Variants in INSL6 observed in about 807,000 individuals in gnomAD.
INSL6 encodes the protein insulin-like peptide INSL6.
In INSL6, 16 loss-of-function variants were observed where a neutral mutation model predicts 9.4. The observed-to-expected ratio is 1.70, with a 90% CI of 1.15 to 2.59. The LOEUF is 2.59. Among genes scored for constraint, INSL6 ranks in the 30% most tolerant of loss-of-function variants. The pLI, the probability that INSL6 is intolerant of heterozygous loss-of-function variation, is 0.00. For missense variants in INSL6, 391 were observed against 257.3 expected, an observed-to-expected ratio of 1.52 and a Z score of -3.56; for synonymous variants, 154 against 96.9, an observed-to-expected ratio of 1.59 and a Z score of -3.46.
chr9:5,026,005 G>T, the INSL6 span, among the ~76,000 whole-genome samples: 2 of 152,030 alleles, frequency 1.3e-5, no homozygotes, highest in Non-Finnish European at 2.9e-5. Flanking sequence ...GTGTTTATCT[G>T]TGCCTCTTTT....
chr9:5,168,072 G>T (rs1825094593), intron 1 of INSL6, among the ~76,000 whole-genome samples: 1 of 152,126 alleles, frequency 6.6e-6, no homozygotes, highest in African/African-American at 2.4e-5. Context: ...CCCATCCAAA[G>T]GTCATTGGCC....
chr9:5,033,774 C>T, the INSL6 span, among the ~76,000 whole-genome samples: 4 of 152,162 alleles, frequency 2.6e-5, no homozygotes, highest in African/African-American at 9.7e-5. Flanking sequence ...TGGTACCAGC[C>T]ACTGCAAAAA....
the INSL6 span, chr9:5,099,871 A>G: frequency 1.3e-5 from 2 of 152,188 alleles, no homozygotes; most frequent in African/African-American, 4.8e-5. Context: ...GGGTATAGCA[A>G]TCCCCCTGTG....
chr9:5,016,721 G>T, the INSL6 span, among the ~76,000 whole-genome samples: 1 of 152,084 alleles, frequency 6.6e-6, no homozygotes, highest in Admixed American at 6.5e-5. Context: ...AGGTCTCCCT[G>T]TACCTCCTGC....
chr9:5,129,822 C>G (rs1400713508), intron 3 of INSL6, among the ~76,000 whole-genome samples: 1 of 152,036 alleles, frequency 6.6e-6, no homozygotes, highest in African/African-American at 2.4e-5. Context: ...TATCATATAG[C>G]CTTTAACTTT....
chr9:5,112,927 G>A, the INSL6 span: 2 of 250,922 alleles, frequency 8.0e-6, no homozygotes, highest in South Asian at 1.2e-4. Context: ...GAGGCCCTGG[G>A]CTTCATCCAC....
chr9:5,112,077 AAGAT>A, the INSL6 span: 21 of 386,876 alleles, frequency 5.4e-5, 1 homozygote, highest in Non-Finnish European at 1.1e-4. Flanking sequence ...CCTGGAGAGT[AAGAT>A]AGAAGACCAC....
chr9:5,057,604 G>A, the INSL6 span, among the ~76,000 whole-genome samples: 1 of 118,782 alleles, frequency 8.4e-6, no homozygotes, highest in Non-Finnish European at 1.7e-5. Flanking sequence ...TTTTTTTTGA[G>A]ATGAGTCTTG....
At chr9:5,064,402 T>C in the INSL6 span, among the ~76,000 whole-genome samples, 29 of 151,734 alleles carry the variant, frequency 1.9e-4, no homozygotes, top group Non-Finnish European at 1.5e-5. Context: ...TGGCGGCATA[T>C]GCCTGTAATC....
At chr9:5,010,839 C>T in the INSL6 span, among the ~76,000 whole-genome samples, 4 of 152,046 alleles carry the variant, frequency 2.6e-5, no homozygotes, top group Non-Finnish European at 5.9e-5. Context: ...TTTGTTTTGC[C>T]TTGAATTTTG....
the INSL6 span, among the ~76,000 whole-genome samples, chr9:5,020,848 A>G: frequency 6.6e-6 from 1 of 152,002 alleles, no homozygotes; most frequent in Admixed American, 6.6e-5. Flanking sequence ...GGGTGTGGAT[A>G]TGCAGGGGCT....
chr9:5,150,918 G>A (rs1237996960), intron 2 of INSL6, among the ~76,000 whole-genome samples: 2 of 151,270 alleles, frequency 1.3e-5, no homozygotes, highest in Non-Finnish European at 1.5e-5. Flanking sequence ...AGAATAAAAT[G>A]TATTTTGCAG....
At chr9:5,123,479 T>C (rs1232331508), downstream of INSL6, among the ~76,000 whole-genome samples, 1 of 152,022 alleles carries the variant, frequency 6.6e-6, no homozygotes, top group African/African-American at 2.4e-5. Flanking sequence ...AAAGACATAA[T>C]TTCATTCGTT....
chr9:5,042,445 C>A, the INSL6 span, among the ~76,000 whole-genome samples: 1 of 152,112 alleles, frequency 6.6e-6, no homozygotes, highest in Non-Finnish European at 1.5e-5. Context: ...CCAAGACTGG[C>A]CAAAATTTCT....
At chr9:5,024,220 C>T in the INSL6 span, among the ~76,000 whole-genome samples, 1 of 152,144 alleles carries the variant, frequency 6.6e-6, no homozygotes, top group African/African-American at 2.4e-5. Flanking sequence ...TGCGCCACTG[C>T]ACTCCAGCCT....
chr9:5,113,345 G>C, the INSL6 span, among the ~76,000 whole-genome samples: 2 of 149,230 alleles, frequency 1.3e-5, no homozygotes, highest in Non-Finnish European at 3.0e-5. Flanking sequence ...TGGAAACTTG[G>C]CTTATTCTTC....
At chr9:5,083,712 A>G in the INSL6 span, among the ~76,000 whole-genome samples, 1 of 152,216 alleles carries the variant, frequency 6.6e-6, no homozygotes, top group Non-Finnish European at 1.5e-5. Context: ...AACAAAGAAT[A>G]CATCAAAAGA....
At chr9:5,080,126 A>G in the INSL6 span, 1 of 907,772 alleles carries the variant, frequency 1.1e-6, no homozygotes, top group South Asian at 2.0e-5. Flanking sequence ...TAAAGAAAAT[A>G]GGCCTGATTA....
intron 2 of INSL6, among the ~76,000 whole-genome samples, chr9:5,137,291 A>T (rs1824403822): frequency 6.6e-6 from 1 of 152,174 alleles, no homozygotes; most frequent in African/African-American, 2.4e-5. Context: ...ATGGAACCAA[A>T]AAAAAGAGCC....
Sources: allele counts gnomAD v4.1 joint callset (sites outside exome capture counted in the v4.1 genomes callset), GRCh38; gene constraint gnomAD v4.1.1; transcripts MANE v1.5; gene names NCBI Gene and HGNC (gene_info 2026-07-23, HGNC 2026-07-21).